GRHL1: variants seen among roughly 807,000 people sequenced by gnomAD.
GRHL1 encodes grainyhead like transcription factor 1.
Under a neutral mutation model 75.7 loss-of-function variants are expected in GRHL1, and 38 were observed. The observed-to-expected ratio is 0.50, with a 90% confidence interval of 0.39 to 0.66. The LOEUF is 0.66. GRHL1 is among the 30% of genes least tolerant of loss of function. The pLI is 0.00. For missense variants in GRHL1, 589 were observed against 767.5 expected (o/e 0.77, Z 2.75); for synonymous variants, 266 against 279.4 (o/e 0.95, Z 0.48).
At chr2:9,980,546 C>G (rs1668154603) in intron 8 of GRHL1, among the ~76,000 whole-genome samples, 1 of 152,148 alleles carries the variant, frequency 6.6e-6, no homozygotes, top group African/African-American at 2.4e-5. Context: ...GCACCTTGGC[C>G]TGTTCAGCAG....
chr2:9,974,098 C>A (rs1400978449), intron 8 of GRHL1, among the ~76,000 whole-genome samples: 1 of 152,248 alleles, frequency 6.6e-6, no homozygotes, highest in Non-Finnish European at 1.5e-5. Flanking sequence ...CTATCCGTCA[C>A]TGTGGCAGTG....
Position 9,990,751 on chromosome 2 carries a change from A to G in GRHL1, c.1321+4A>G. 3.7e-6 allele frequency: 6 copies of G among 1,611,514 alleles called. No homozygotes were observed. The highest frequency in any genetic ancestry group is 5.1e-6 in the Non-Finnish European group (6 of 1,177,950). On this transcript the variant is annotated splice_donor_region_variant and intron_variant, in intron 10 of 15. Coordinates refer to ENST00000324907, the MANE Select transcript of GRHL1 (RefSeq NM_198182.3). This position sits in a 1 kb window ranked among gnomAD's most constrained non-coding sequence, Gnocchi z 4.2. ...CGAAAGCAAAGCAAAAGAAAAGGCAAGTGTCCTGACCCCAGCTCCCAGGTG... is the reference window on the plus strand; with the variant it reads ...CGAAAGCAAAGCAAAAGAAAAGGCAGGTGTCCTGACCCCAGCTCCCAGGTG...
At chr2:9,988,779 C>T (rs1351766591) in intron 9 of GRHL1, among the ~76,000 whole-genome samples, 3 of 152,264 alleles carry the variant, frequency 2.0e-5, no homozygotes, top group Non-Finnish European at 2.9e-5. Flanking sequence ...AGGGCCTTCT[C>T]GTTCTTGTTT....
Position 9,998,980 on chromosome 2 carries a change from G to T in GRHL1, c.1693G>T (p.Asp565Tyr), listed in dbSNP as rs760550901. The T allele has an allele frequency of 3.8e-6, 6 of 1,568,726 alleles. No individual in the cohort carries two copies. Among genetic ancestry groups the T allele is most frequent in the Non-Finnish European group, 5.2e-6 (6 of 1,152,318 alleles). The change falls in exon 15 of 16, where the codon GAT becomes TAT. Residue 565 changes from aspartate to tyrosine, a missense_variant. Asp to Tyr is a radical substitution (Grantham distance 160). This residue lies in a region of GRHL1 where 192 missense variants were observed against 226.6 expected (regional missense o/e 0.85). Transcript: ENST00000324907. ...GLMEAISDKYDVPHDKIGKIF... is the reference protein window; with the variant it reads ...GLMEAISDKYYVPHDKIGKIF... Reference sequence around the variant, plus strand: ...CCTCTTTTAGATCTCAGACAAATACGATGTTCCCCATGACAAGATTGGGAA... The same window carrying T: ...CCTCTTTTAGATCTCAGACAAATACTATGTTCCCCATGACAAGATTGGGAA...
Position 9,958,775 on chromosome 2 carries a change from G to A in GRHL1, c.208-11G>A. On this transcript the variant is annotated splice_polypyrimidine_tract_variant and intron_variant, in intron 2 of 15. Transcript: ENST00000324907. Reference sequence around the variant, plus strand: ...TAAGAGCTAAATTCTTTTCATGTGTGCTAATATCAGGTTCCAAGAGAGAGA... The same window carrying A: ...TAAGAGCTAAATTCTTTTCATGTGTACTAATATCAGGTTCCAAGAGAGAGA... 1 of 1,608,036 alleles carries A rather than the reference G, an allele frequency of 6.2e-7. No individual in the cohort carries two copies. Among genetic ancestry groups the A allele is most frequent in the Non-Finnish European group, 8.5e-7 (1 of 1,174,644 alleles).
rs1558321814 is a variant in GRHL1, at chr2:9,998,881, TATATATAC to T, written c.1678-76_1678-69del. 93 of 276,946 alleles carry T rather than the reference TATATATAC, an allele frequency of 3.4e-4. 19 individuals carry two copies. The highest frequency in any genetic ancestry group is 3.1e-3 in the Middle Eastern group (3 of 970). 17.2% of individuals were successfully genotyped at this position (276,946 alleles called of 1,614,324 possible). Reference sequence around the variant, plus strand: ...ATATATACGTATATATATGTACACATATATATACATATATATATATTTGTTGTTTGGTT... The same window carrying T: ...ATATATACGTATATATATGTACACATATATATATATATTTGTTGTTTGGTT... On this transcript the variant is annotated intron_variant, in intron 14 of 15. Coordinates refer to ENST00000324907, the MANE Select transcript of GRHL1 (RefSeq NM_198182.3).
chr2:9,957,045 C>T (rs1421953274), intron 2 of GRHL1, among the ~76,000 whole-genome samples: 5 of 150,674 alleles, frequency 3.3e-5, no homozygotes, highest in Admixed American at 6.6e-5. Flanking sequence ...CTCTTGCCCA[C>T]GCTGAAGTGT....
In GRHL1 at chr2:9,992,414, A is replaced by G. The variant is rs1421251348; in HGVS notation, c.1461+268A>G. Among the ~76,000 whole-genome samples, 1 of 152,168 alleles carries G rather than the reference A, an allele frequency of 6.6e-6. No individual in the cohort carries two copies. The highest frequency in any genetic ancestry group is 1.5e-5 in the Non-Finnish European group (1 of 68,028). On this transcript the variant is annotated intron_variant, in intron 11 of 15. Transcript: ENST00000324907. The surrounding 1 kb of genome is among the most constrained non-coding windows in gnomAD (Gnocchi z 4.6). Reference sequence around the variant, plus strand: ...TTCGTTCTTCATACCTACATATCCTAGCTCATTTAAAAGATTCTAGAATAG... The same window carrying G: ...TTCGTTCTTCATACCTACATATCCTGGCTCATTTAAAAGATTCTAGAATAG...
At chr2:9,995,126 G>A (rs551423896) in intron 12 of GRHL1, among the ~76,000 whole-genome samples, 1 of 152,240 alleles carries the variant, frequency 6.6e-6, no homozygotes, top group South Asian at 2.1e-4. Flanking sequence ...CGGTAGAGTC[G>A]GCTTCCCGAA....
intron 8 of GRHL1, 89 bp downstream of exon 8, chr2:9,965,470 A>G (rs1287913487): frequency 8.4e-6 from 6 of 712,154 alleles, no homozygotes; most frequent in Admixed American, 2.3e-5. Flanking sequence ...TTTTTTTTTC[A>G]CAGTTTTATG....
At chr2:9,982,408 C>T (rs1261639747) in intron 8 of GRHL1, among the ~76,000 whole-genome samples, 1 of 152,192 alleles carries the variant, frequency 6.6e-6, no homozygotes, top group Non-Finnish European at 1.5e-5. Context: ...CCAAAAAAAA[C>T]AGTCCCAGCA....
At chr2:9,969,453 G>A (rs1667624588) in intron 8 of GRHL1, among the ~76,000 whole-genome samples, 1 of 152,086 alleles carries the variant, frequency 6.6e-6, no homozygotes, top group African/African-American at 2.4e-5. Context: ...TTCTTGACAG[G>A]GAAGATTACT....
At chr2:9,995,643 G>A (rs1208782489) in intron 12 of GRHL1, among the ~76,000 whole-genome samples, 6 of 151,916 alleles carry the variant, frequency 3.9e-5, no homozygotes, top group Non-Finnish European at 1.5e-5. Flanking sequence ...TATCTGATGA[G>A]AGTGCAGATA....
chr2:9,957,550 C>CA (rs1558289502), intron 2 of GRHL1, among the ~76,000 whole-genome samples: 1 of 152,086 alleles, frequency 6.6e-6, no homozygotes, highest in East Asian at 1.9e-4. Context: ...GCTAGGACTG[C>CA]AGGCGTGTGC....
At chr2:9,978,056 C>G (rs1668024264) in intron 8 of GRHL1, among the ~76,000 whole-genome samples, 2 of 152,210 alleles carry the variant, frequency 1.3e-5, no homozygotes, top group Non-Finnish European at 2.9e-5. Flanking sequence ...GACTTATTCA[C>G]TACCACGAGA....
At chr2:9,994,221 T>A (rs902597970) in intron 12 of GRHL1, among the ~76,000 whole-genome samples, 3 of 152,122 alleles carry the variant, frequency 2.0e-5, no homozygotes, top group African/African-American at 7.2e-5. Flanking sequence ...CACAGCTCAC[T>A]GCAGCCTTGA....
chr2:9,999,121 C>G, intron 15 of GRHL1, 92 bp downstream of exon 15: 1 of 467,864 alleles, frequency 2.1e-6, no homozygotes, highest in Non-Finnish European at 3.9e-6. Context: ...TTGACACCCC[C>G]CAGCACCATG....
chr2:9,994,970 T>G (rs1350716510), intron 12 of GRHL1, among the ~76,000 whole-genome samples: 2 of 152,144 alleles, frequency 1.3e-5, no homozygotes, highest in Non-Finnish European at 2.9e-5. Context: ...TGCTTGAAGG[T>G]CCTGGGGTCC....
chr2:9,989,399 A>T (rs1319838901), intron 9 of GRHL1, among the ~76,000 whole-genome samples: 1 of 152,150 alleles, frequency 6.6e-6, no homozygotes, highest in Non-Finnish European at 1.5e-5. Flanking sequence ...ATGTTTTTAA[A>T]TATGCTTCAT....
Sources: gnomAD v4.1 joint callset for allele counts (sites outside exome capture counted in the v4.1 genomes callset) on GRCh38, gnomAD v4.1.1 for gene constraint, gnomAD v4.1.1 regional missense constraint, Gnocchi (gnomAD v3.1) non-coding constraint, MANE v1.5 for transcripts, NCBI Gene and HGNC (gene_info 2026-07-23, HGNC 2026-07-21) for gene names.